The following RIMS4 variants were observed in gnomAD, a reference collection of about 807,000 sequenced individuals.
RIMS4 encodes regulating synaptic membrane exocytosis protein 4.
RIMS4 carries 9 observed loss-of-function variants against 29.0 expected under a neutral mutation model. That is an observed-to-expected ratio of 0.31 (90% CI 0.19 to 0.54). RIMS4 has a LOEUF of 0.54. Ranked by LOEUF, RIMS4 falls within the 20% of genes least tolerant of loss-of-function variation. The pLI, the probability that RIMS4 is intolerant of heterozygous loss-of-function variation, is 0.94. For synonymous variants in RIMS4, 130 were observed against 152.9 expected, an observed-to-expected ratio of 0.85 and a Z score of 1.10; for missense variants, 193 against 365.7, an observed-to-expected ratio of 0.53 and a Z score of 3.85.
chr20:44,796,825 T>G (rs4812866), intron 1 of RIMS4, among the ~76,000 whole-genome samples: 25,812 of 152,220 alleles, frequency 0.17, 4,306 homozygotes, highest in African/African-American at 0.44. Context: ...GGAAGAGCTG[T>G]AAATATGAAG....
In RIMS4 at chr20:44,751,901, C is replaced by G. The variant is rs1174451132; in HGVS notation, c.*4233G>C. The G allele has an allele frequency of 1.3e-5, 2 of 152,222 alleles. 1 individual carries two copies. The highest frequency in any genetic ancestry group is 6.3e-3 in the Middle Eastern group (2 of 316). The allele number at this position is 152,222 out of a possible 1,614,324, so 9.4% of individuals were successfully genotyped here. ...ACTCCAACCCAAGGGCCCCAGAAAC[C>G]CTCCCTCCCTAAAGGCCTGGGCGGC... On this transcript the variant is annotated 3_prime_UTR_variant, in exon 6 of 6. Coordinates refer to ENST00000372851, the MANE Select transcript of RIMS4 (RefSeq NM_182970.4).
intron 2 of RIMS4, among the ~76,000 whole-genome samples, chr20:44,768,445 G>A (rs1448656943): frequency 2.0e-5 from 3 of 152,240 alleles, no homozygotes; most frequent in Non-Finnish European, 4.4e-5. Flanking sequence ...AGAAGCCCAA[G>A]GGGTGGGGAG....
chr20:44,754,611 A>G lies in RIMS4; in HGVS notation c.*1523T>C. 6.5e-6 allele frequency: 1 copy of G among 152,926 alleles called. No homozygotes were observed. The highest frequency in any genetic ancestry group is 1.5e-5 in the Non-Finnish European group (1 of 68,222). The allele number at this position is 152,926 out of a possible 1,614,324, so 9.5% of individuals were successfully genotyped here. ...AGCTATAACCCTACGGGGACAAGGG[A>G]AGGAAGGGGGCGGAGGAGGAGGGGC... On this transcript the variant is annotated 3_prime_UTR_variant, in exon 6 of 6. Coordinates refer to ENST00000372851, the MANE Select transcript of RIMS4 (RefSeq NM_182970.4).
chr20:44,768,489 G>A (rs564846811), intron 2 of RIMS4, among the ~76,000 whole-genome samples: 4 of 152,278 alleles, frequency 2.6e-5, no homozygotes, highest in South Asian at 4.1e-4. Flanking sequence ...TTCAGAGCCC[G>A]GCATTTGGGC....
rs139304971 is a variant in RIMS4, at chr20:44,753,104, T to C, written c.*3030A>G. 8.5e-3 allele frequency: 1,295 copies of C among 152,848 alleles called. 20 individuals are homozygous for C. The highest frequency in any genetic ancestry group is 0.03 in the African/African-American group (1,229 of 41,582). 9.5% of individuals were successfully genotyped at this position (152,848 alleles called of 1,614,324 possible). On this transcript the variant is annotated 3_prime_UTR_variant, in exon 6 of 6. Coordinates refer to ENST00000372851, the MANE Select transcript of RIMS4 (RefSeq NM_182970.4). ...AATGGAGCCCCTAGTTCTTCCCCCTTTGCACCCTTGCTGAGGGGTCTTGTG... is the reference window on the plus strand; with the variant it reads ...AATGGAGCCCCTAGTTCTTCCCCCTCTGCACCCTTGCTGAGGGGTCTTGTG...
At chr20:44,782,465 T>C (rs2066188754) in intron 1 of RIMS4, among the ~76,000 whole-genome samples, 1 of 151,940 alleles carries the variant, frequency 6.6e-6, no homozygotes, top group Admixed American at 6.6e-5. Context: ...TTAGTAGAGA[T>C]GGGGTTTCAC....
intron 2 of RIMS4, among the ~76,000 whole-genome samples, chr20:44,764,220 A>G (rs2066103387): frequency 6.6e-6 from 1 of 151,680 alleles, no homozygotes; most frequent in Admixed American, 6.5e-5. Context: ...CCACCCATCC[A>G]TCCATCCGTC....
chr20:44,774,870 G>A (rs2066152976), intron 1 of RIMS4, among the ~76,000 whole-genome samples: 1 of 151,838 alleles, frequency 6.6e-6, no homozygotes, highest in South Asian at 2.1e-4. Context: ...TCCATCCTCG[G>A]GCCCTTTCTA....
intron 1 of RIMS4, among the ~76,000 whole-genome samples, chr20:44,793,631 G>A (rs891627504): frequency 6.6e-6 from 1 of 152,190 alleles, no homozygotes; most frequent in African/African-American, 2.4e-5. Context: ...GGGAATTTCA[G>A]GGTCCCCACG....
At chr20:44,767,217 T>A (rs2066117550) in intron 2 of RIMS4, among the ~76,000 whole-genome samples, 1 of 152,128 alleles carries the variant, frequency 6.6e-6, no homozygotes, top group Non-Finnish European at 1.5e-5. Context: ...AGAACACACG[T>A]CAATAGGGAG....
Position 44,761,692 on chromosome 20 carries a change from G to A in RIMS4, c.237-3508C>T, listed in dbSNP as rs2066085976. ...GCAGCTCCCACACTCGGGTTGCCTG[G>A]GATGGCCTGCCAAATAACCAGTTTC... On this transcript the variant is annotated intron_variant, in intron 2 of 5. Coordinates refer to ENST00000372851, the MANE Select transcript of RIMS4 (RefSeq NM_182970.4). Among the ~76,000 whole-genome samples the A allele has an allele frequency of 1.3e-5, 2 of 152,052 alleles. 1 individual carries two copies. The highest frequency in any genetic ancestry group is 4.1e-4 in the South Asian group (2 of 4,824).
chr20:44,756,914 T>G lies in RIMS4; in HGVS notation c.575A>C (p.Gln192Pro). The G allele has an allele frequency of 6.2e-7, 1 of 1,614,010 alleles. No individual in the cohort carries two copies. The highest frequency in any genetic ancestry group is 8.5e-7 in the Non-Finnish European group (1 of 1,179,954). Residue 192 changes from glutamine (Q) to proline (P), a missense_variant, in exon 5 of 6, where the codon CAG becomes CCG. Coordinates refer to ENST00000372851, the MANE Select transcript of RIMS4 (RefSeq NM_182970.4). This position sits in a 1 kb window ranked among gnomAD's most constrained non-coding sequence, Gnocchi z 5.9. ...GCCCCTCACCTGGAGGACTTTGCCC[T>G]GGGGACTCTCAGGAAACAGCAGCAC... ...NQVLLFPESP[Q>P]GKVLQVIVWG...
intron 1 of RIMS4, among the ~76,000 whole-genome samples, chr20:44,795,945 A>G (rs2066253002): frequency 6.6e-6 from 1 of 152,216 alleles, no homozygotes; most frequent in Admixed American, 6.5e-5. Context: ...ACTATCCATA[A>G]TTCTGTCATG....
At chr20:44,757,186 G>T (rs1282128232) in intron 4 of RIMS4, 149 bp from the exon 5 acceptor site, 2 of 802,024 alleles carry the variant, frequency 2.5e-6, no homozygotes, top group African/African-American at 1.7e-5. Flanking sequence ...CATGGGGGGT[G>T]GGCATTTGGG....
intron 1 of RIMS4, among the ~76,000 whole-genome samples, chr20:44,780,378 T>C (rs539494004): frequency 2.0e-5 from 3 of 152,340 alleles, no homozygotes; most frequent in Admixed American, 6.5e-5. Context: ...CACAGAGGAC[T>C]GGGCCTGCCT....
At chr20:44,784,256 A>G (rs927888973) in intron 1 of RIMS4, among the ~76,000 whole-genome samples, 4 of 152,218 alleles carry the variant, frequency 2.6e-5, no homozygotes, top group East Asian at 1.9e-4. Context: ...GTACATGGGA[A>G]GCAGAGATGT....
intron 1 of RIMS4, among the ~76,000 whole-genome samples, chr20:44,772,115 T>C (rs893829279): frequency 1.3e-5 from 2 of 152,116 alleles, no homozygotes; most frequent in African/African-American, 4.8e-5. Context: ...AACTGTCAAG[T>C]GGGAGAATAA....
intron 4 of RIMS4, 47 bp downstream of exon 4, chr20:44,757,623 C>T: frequency 6.7e-7 from 1 of 1,485,290 alleles, no homozygotes; most frequent in Non-Finnish European, 9.4e-7. Flanking sequence ...TCAGGATATC[C>T]TCCCTGACCT....
chr20:44,799,353 A>G (rs576886936), intron 1 of RIMS4, among the ~76,000 whole-genome samples: 1 of 152,026 alleles, frequency 6.6e-6, no homozygotes, highest in South Asian at 2.1e-4. Flanking sequence ...GACTCCCCTC[A>G]GGGCCCAGCT....
Sources: allele counts gnomAD v4.1 joint callset (sites outside exome capture counted in the v4.1 genomes callset), GRCh38; gene constraint gnomAD v4.1.1; non-coding constraint Gnocchi (gnomAD v3.1); transcripts MANE v1.5; gene names NCBI Gene and HGNC (gene_info 2026-07-23, HGNC 2026-07-21).